C1QL2: variants seen among roughly 807,000 people sequenced by gnomAD.
C1QL2 encodes the protein complement C1q like 2, also known as complement C1q-like protein 2.
Under a neutral mutation model 16.6 loss-of-function variants are expected in C1QL2, and 13 were observed. The observed-to-expected ratio is 0.78, with a 90% CI of 0.51 to 1.25. C1QL2 has a LOEUF of 1.25. C1QL2 is among the 50% of genes most tolerant of loss of function. The probability of loss-of-function intolerance (pLI) is 0.00; values close to 1 mark genes in which losing one functional copy is unlikely to be tolerated. For synonymous variants in C1QL2, 210 were observed against 183.2 expected (o/e 1.15, Z -1.18); for missense variants, 396 against 409.6 (o/e 0.97, Z 0.29).
intron 1 of C1QL2, 37 bp downstream of exon 1, chr2:119,157,549 G>A (rs777178073): frequency 2.0e-6 from 3 of 1,467,740 alleles, no homozygotes; most frequent in Non-Finnish European, 2.7e-6. Flanking sequence ...GCGCGGGCGA[G>A]GGTTTACGGG....
chr2:119,158,478 T>A lies in C1QL2; in HGVS notation c.-209A>T. On this transcript the variant is annotated 5_prime_UTR_variant, in exon 1 of 2. The change abolishes the stop of an existing upstream ORF in the 5' untranslated region. Coordinates refer to ENST00000272520, the MANE Select transcript of C1QL2 (RefSeq NM_182528.4). ...CCCCAGCCCCGGCTACCCAACTACT[T>A]CAGCGAGAGGCGCCGGGACCTCTGA... 2 of 316,054 alleles carry A rather than the reference T, an allele frequency of 6.3e-6. No individual in the cohort carries two copies. The highest frequency in any genetic ancestry group is 1.1e-5 in the Non-Finnish European group (2 of 177,276). The allele number at this position is 316,054 out of a possible 1,614,324, so 19.6% of individuals were successfully genotyped here. A position where few individuals can be genotyped will look rare whatever the true frequency, so the allele number is the denominator to read the frequency against.
chr2:119,158,414 C>T lies in C1QL2; in HGVS notation c.-145G>A. 1.8e-6 allele frequency: 1 copy of T among 551,974 alleles called. No individual in the cohort carries two copies. Among genetic ancestry groups the T allele is most frequent in the Non-Finnish European group, 2.6e-6 (1 of 379,962 alleles). 34.2% of individuals were successfully genotyped at this position (551,974 alleles called of 1,614,324 possible). A position where few individuals can be genotyped will look rare whatever the true frequency, so the allele number is the denominator to read the frequency against. The stretch of plus-strand genomic sequence containing the variant: ...GGCCCCGCTCCCCGCGCTCGGGGAC[C>T]GGCTCCGCGGGTCCTGGCCGCGCCC... On this transcript the variant is annotated 5_prime_UTR_variant, in exon 1 of 2. Coordinates refer to ENST00000272520, the MANE Select transcript of C1QL2 (RefSeq NM_182528.4).
chr2:119,158,602 C>G lies in C1QL2; in HGVS notation c.-333G>C, dbSNP rs550486519. The G allele has an allele frequency of 5.7e-3, 973 of 170,374 alleles. 11 individuals are homozygous for G. The highest frequency in any genetic ancestry group is 0.022 in the African/African-American group (912 of 42,372). The allele number at this position is 170,374 out of a possible 1,614,324, so 10.6% of individuals were successfully genotyped here. A position where few individuals can be genotyped will look rare whatever the true frequency, so the allele number is the denominator to read the frequency against. On this transcript the variant is annotated 5_prime_UTR_variant, in exon 1 of 2. Transcript: ENST00000272520. ...CGAATCCGGCGCCCCGAGGGTCCGGCGCCGGCCAGGGAGTGCTTGCGCTGG... is the reference window on the plus strand; with the variant it reads ...CGAATCCGGCGCCCCGAGGGTCCGGGGCCGGCCAGGGAGTGCTTGCGCTGG...
rs967751202 is a variant in C1QL2 at position 119,157,991 on chromosome 2, A to G, written c.279T>C (p.Pro93=). ...RPGKPGPRGP[P]GEPGPPGPRG... is the part of the protein sequence containing the mutation. The stretch of plus-strand genomic sequence containing the variant: ...TGGGTCCAGGCGGGCCCGGCTCTCC[A>G]GGGGGCCCCCGCGGCCCTGGCTTGC... Residue 93 remains proline, a synonymous_variant, in exon 1 of 2, where the codon CCT becomes CCC. Transcript: ENST00000272520. 153 of 1,519,910 alleles carry G rather than the reference A, an allele frequency of 1.0e-4. No homozygotes were observed. Among genetic ancestry groups the G allele is most frequent in the Non-Finnish European group, 1.3e-4 (148 of 1,136,120 alleles). The allele number at this position is 1,519,910 out of a possible 1,614,324, so 94.2% of individuals were successfully genotyped here. A position where few individuals can be genotyped will look rare whatever the true frequency, so the allele number is the denominator to read the frequency against.
In C1QL2 at chr2:119,158,357, G is replaced by C. The variant is rs1029462482; in HGVS notation, c.-88C>G. 2 of 1,156,608 alleles carry C rather than the reference G, an allele frequency of 1.7e-6. No homozygotes were observed. The highest frequency in any genetic ancestry group is 3.2e-5 in the African/African-American group (2 of 61,714). The allele number at this position is 1,156,608 out of a possible 1,614,324, so 71.6% of individuals were successfully genotyped here. On this transcript the variant is annotated 5_prime_UTR_variant, in exon 1 of 2. Coordinates refer to ENST00000272520, the MANE Select transcript of C1QL2 (RefSeq NM_182528.4). Reference sequence around the variant, plus strand: ...CGACCGCCACCAGCTCCTCCTTGCCGCCCGGGGAGGTAATGGTGGGGCGGC... The same window carrying C: ...CGACCGCCACCAGCTCCTCCTTGCCCCCCGGGGAGGTAATGGTGGGGCGGC...
chr2:119,157,119 T>C, intron 1 of C1QL2, 138 bp from the exon 2 acceptor site: 1 of 1,013,464 alleles, frequency 9.9e-7, no homozygotes, highest in South Asian at 1.6e-5. Flanking sequence ...CCATGTTCTC[T>C]CTCCAACTTA....
At position 119,158,307 on chromosome 2, in the gene C1QL2, C is replaced by T; in HGVS notation, c.-38G>A. 2 of 1,343,924 alleles carry T rather than the reference C, an allele frequency of 1.5e-6. No individual in the cohort carries two copies. The highest frequency in any genetic ancestry group is 1.9e-6 in the Non-Finnish European group (2 of 1,054,736). 83.2% of individuals were successfully genotyped at this position (1,343,924 alleles called of 1,614,324 possible). A position where few individuals can be genotyped will look rare whatever the true frequency, so the allele number is the denominator to read the frequency against. On this transcript the variant is annotated 5_prime_UTR_variant, in exon 1 of 2. Transcript: ENST00000272520. ...GCCGACGGCCGCCAGGCAGGCACGC[C>T]GCCGCCGCTGCCACAGCCGGGAGGC...
In C1QL2 at chr2:119,156,698, G is replaced by T; in HGVS notation, c.*104C>A. The T allele has an allele frequency of 7.7e-7, 1 of 1,305,446 alleles. No homozygotes were observed. The highest frequency in any genetic ancestry group is 1.0e-6 in the Non-Finnish European group (1 of 957,624). The allele number at this position is 1,305,446 out of a possible 1,614,324, so 80.9% of individuals were successfully genotyped here. A position where few individuals can be genotyped will look rare whatever the true frequency, so the allele number is the denominator to read the frequency against. On this transcript the variant is annotated 3_prime_UTR_variant, in exon 2 of 2. Coordinates refer to ENST00000272520, the MANE Select transcript of C1QL2 (RefSeq NM_182528.4). ...GCAGGGATTTGTCTTTTCCAAAGGA[G>T]ATGTCAGGAAGTGTTATGAATCGAG...
At position 119,158,137 on chromosome 2, in the gene C1QL2, G is replaced by T; in HGVS notation, c.133C>A (p.Pro45Thr). The T allele has an allele frequency of 6.4e-7, 1 of 1,558,046 alleles. No individual in the cohort carries two copies. The highest frequency in any genetic ancestry group is 2.4e-5 in the East Asian group (1 of 40,916). ...PYTAAPGGEP[P>T]GAKAQPPGPS... ...CCGGGTGGCTGCGCCTTTGCACCCG[G>T]GGGCTCCCCGCCGGGCGCGGCAGTG... The change falls in exon 1 of 2, where the codon CCG becomes ACG. Residue 45 changes from proline to threonine, a missense_variant. Pro to Thr is a conservative substitution (Grantham distance 38). Transcript: ENST00000272520.
At position 119,156,816 on chromosome 2, in the gene C1QL2, G is replaced by A. The variant is rs1474142562; in HGVS notation, c.850C>T (p.Leu284=). Residue 284 remains leucine, a synonymous_variant, in exon 2 of 2, where the codon CTG becomes TTG. Transcript: ENST00000272520. ...CCCCCGCGCCCCTAATCCGGGTACAGAAGAAAGCCCGAGAACGTGCTGTAC... is the reference window on the plus strand; with the variant it reads ...CCCCCGCGCCCCTAATCCGGGTACAAAAGAAAGCCCGAGAACGTGCTGTAC... The part of the protein sequence containing the change: ...NKYSTFSGFL[L]YPD The A allele has an allele frequency of 2.5e-6, 4 of 1,613,720 alleles. No homozygotes were observed. Among genetic ancestry groups the A allele is most frequent in the African/African-American group, 1.3e-5 (1 of 74,938 alleles).
rs1237876696 is a variant in C1QL2, at chr2:119,157,805, G to A, written c.465C>T (p.Ser155=). The A allele has an allele frequency of 1.3e-6, 2 of 1,598,560 alleles. No individual in the cohort carries two copies. Among genetic ancestry groups the A allele is most frequent in the African/African-American group, 1.3e-5 (1 of 74,610 alleles). Residue 155 remains serine, a synonymous_variant, in exon 1 of 2, where the codon AGC becomes AGT. Coordinates refer to ENST00000272520, the MANE Select transcript of C1QL2 (RefSeq NM_182528.4). ...CCACATAGAAGGCGATCTTGGGGCC[G>A]CTGAAGGTGGCGCTCAGCGCACTGG... ...EVTSALSATF[S]GPKIAFYVGL...
In C1QL2 at chr2:119,156,974, G is replaced by A; in HGVS notation, c.692C>T (p.Ala231Val). 1 of 1,613,764 alleles carries A rather than the reference G, an allele frequency of 6.2e-7. No homozygotes were observed. The highest frequency in any genetic ancestry group is 8.5e-7 in the Non-Finnish European group (1 of 1,179,894). The change falls in exon 2 of 2, where the codon GCC (alanine) becomes GTC (valine). Residue 231 changes from alanine (A) to valine (V), a missense_variant. Ala to Val is a moderately conservative substitution (Grantham distance 64). This residue lies in a region of C1QL2 where 43 missense variants were observed against 74.8 expected (regional missense o/e 0.57). Coordinates refer to ENST00000272520, the MANE Select transcript of C1QL2 (RefSeq NM_182528.4). Reference protein sequence around the residue: ...ADLCKNGQVRASAIAQDADQN... With the variant: ...ADLCKNGQVRVSAIAQDADQN... The stretch of plus-strand genomic sequence containing the variant: ...GTCGGCGTCCTGTGCAATGGCGCTG[G>A]CCCGGACCTGGGGACAAGCGGTGGG...
rs2104730802 is a variant in C1QL2 at position 119,157,810 on chromosome 2, A to G, written c.460T>C (p.Phe154Leu). 2 of 1,599,160 alleles carry G rather than the reference A, an allele frequency of 1.3e-6. No individual in the cohort carries two copies. Among genetic ancestry groups the G allele is most frequent in the South Asian group, 2.2e-5 (2 of 89,048 alleles). ...GEVTSALSAT[F>L]SGPKIAFYVG... ...TAGAAGGCGATCTTGGGGCCGCTGA[A>G]GGTGGCGCTCAGCGCACTGGTCACT... The change falls in exon 1 of 2, where the codon TTC becomes CTC. Residue 154 changes from phenylalanine to leucine, a missense_variant. By Grantham distance (22) the Phe-to-Leu change is conservative (BLOSUM62 0). Coordinates refer to ENST00000272520, the MANE Select transcript of C1QL2 (RefSeq NM_182528.4).
chr2:119,157,845 G>A lies in C1QL2; in HGVS notation c.425C>T (p.Ser142Phe). 6.3e-7 allele frequency: 1 copy of A among 1,586,612 alleles called. No homozygotes were observed. The highest frequency in any genetic ancestry group is 2.3e-5 in the East Asian group (1 of 43,216). ...CAGCGCACTGGTCACTTCACCCTCG[G>A]AATCGCCACCTACCCCGGCCCCGCC... ...VGGGAGVGGDSEGEVTSALSA... is the reference protein window; with the variant it reads ...VGGGAGVGGDFEGEVTSALSA... The change falls in exon 1 of 2, where the codon TCC (serine) becomes TTC (phenylalanine). Residue 142 changes from serine (S) to phenylalanine (F), a missense_variant. Ser to Phe is a radical substitution (Grantham distance 155). Transcript: ENST00000272520.
At chr2:119,157,261 C>A (rs535903193) in intron 1 of C1QL2, among the ~76,000 whole-genome samples, 19 of 152,212 alleles carry the variant, frequency 1.2e-4, no homozygotes, top group Non-Finnish European at 8.8e-5. Flanking sequence ...GGAAAGGAGG[C>A]TGCAGGGCAA....
At position 119,158,344 on chromosome 2, in the gene C1QL2, G is replaced by C. The variant is rs1678002515; in HGVS notation, c.-75C>G. 2 of 1,222,552 alleles carry C rather than the reference G, an allele frequency of 1.6e-6. No individual in the cohort carries two copies. Among genetic ancestry groups the C allele is most frequent in the Middle Eastern group, 3.0e-4 (1 of 3,286 alleles). The allele number at this position is 1,222,552 out of a possible 1,614,324, so 75.7% of individuals were successfully genotyped here. Reference sequence around the variant, plus strand: ...CACAGCCGGGAGGCGACCGCCACCAGCTCCTCCTTGCCGCCCGGGGAGGTA... The same window carrying C: ...CACAGCCGGGAGGCGACCGCCACCACCTCCTCCTTGCCGCCCGGGGAGGTA... On this transcript the variant is annotated 5_prime_UTR_variant, in exon 1 of 2. Coordinates refer to ENST00000272520, the MANE Select transcript of C1QL2 (RefSeq NM_182528.4).
Position 119,157,809 on chromosome 2 carries a change from A to G in C1QL2, c.461T>C (p.Phe154Ser). 7 of 1,599,372 alleles carry G rather than the reference A, an allele frequency of 4.4e-6. No individual in the cohort carries two copies. Among genetic ancestry groups the G allele is most frequent in the Non-Finnish European group, 6.0e-6 (7 of 1,172,776 alleles). The change falls in exon 1 of 2, where the codon TTC becomes TCC. Residue 154 changes from phenylalanine to serine, a missense_variant. Around this residue, in one of 2 missense-constraint regions of C1QL2, gnomAD observed 353 missense variants for 334.8 expected, o/e 1.05. Transcript: ENST00000272520. ...ATAGAAGGCGATCTTGGGGCCGCTG[A>G]AGGTGGCGCTCAGCGCACTGGTCAC... ...GEVTSALSAT[F>S]SGPKIAFYVG... is the part of the protein sequence containing the mutation.
In C1QL2 at chr2:119,156,789, A is replaced by AT; in HGVS notation, c.*12_*13insA. On this transcript the variant is annotated 3_prime_UTR_variant, in exon 2 of 2. Coordinates refer to ENST00000272520, the MANE Select transcript of C1QL2 (RefSeq NM_182528.4). ...GCGGCCTGCAGCCACCCCGCCTCGC[A>AT]CCCCCCGCGCCCCTAATCCGGGTAC... is the stretch of plus-strand genomic sequence containing the variant. 6.2e-7 allele frequency: 1 copy of AT among 1,608,094 alleles called. No individual in the cohort carries two copies. Among genetic ancestry groups the AT allele is most frequent in the Non-Finnish European group, 8.5e-7 (1 of 1,176,590 alleles).
Position 119,158,131 on chromosome 2 carries a change from C to T in C1QL2, c.139G>A (p.Ala47Thr), listed in dbSNP as rs199528939. ...TAAPGGEPPG[A>T]KAQPPGPSTA... ...CTGGGTCCGGGTGGCTGCGCCTTTG[C>T]ACCCGGGGGCTCCCCGCCGGGCGCG... Residue 47 changes from alanine (A) to threonine (T), a missense_variant, in exon 1 of 2, where the codon GCA (alanine) becomes ACA (threonine). By Grantham distance (58) the Ala-to-Thr change is moderately conservative. Around this residue, in one of 2 missense-constraint regions of C1QL2, gnomAD observed 353 missense variants for 334.8 expected, o/e 1.05. Coordinates refer to ENST00000272520, the MANE Select transcript of C1QL2 (RefSeq NM_182528.4). 2.7e-3 allele frequency: 4,140 copies of T among 1,550,902 alleles called. 53 individuals are homozygous for T. Among genetic ancestry groups the T allele is most frequent in the Non-Finnish European group, 1.5e-3 (1,766 of 1,150,474 alleles).
Sources: allele counts gnomAD v4.1 joint callset (sites outside exome capture counted in the v4.1 genomes callset), GRCh38; gene constraint gnomAD v4.1.1; regional missense constraint gnomAD v4.1.1; transcripts MANE v1.5; gene names NCBI Gene and HGNC (gene_info 2026-07-23, HGNC 2026-07-21).